AKR1E2: variants seen among roughly 807,000 people sequenced by gnomAD.
The protein encoded by AKR1E2 is aldo-keto reductase family 1 member E2, also known as 1,5-anhydro-D-fructose reductase.
In AKR1E2, 43 loss-of-function variants were observed where a neutral mutation model predicts 41.9. The ratio of observed to expected loss-of-function variants is 1.03; its 90% confidence interval spans 0.80 to 1.32. The LOEUF (loss-of-function observed/expected upper bound fraction) is 1.32. AKR1E2 is among the 40% of genes most tolerant of loss of function. The probability of loss-of-function intolerance (pLI) is 0.00; values close to 1 mark genes in which losing one functional copy is unlikely to be tolerated. For synonymous variants in AKR1E2, 121 were observed against 138.9 expected, an observed-to-expected ratio of 0.87 and a Z score of 0.91; for missense variants, 423 against 396.5, an observed-to-expected ratio of 1.07 and a Z score of -0.57.
chr10:4,842,787 G>C (rs1030903923), intron 8 of AKR1E2, among the ~76,000 whole-genome samples: 1 of 152,192 alleles, frequency 6.6e-6, no homozygotes, highest in East Asian at 1.9e-4. Flanking sequence ...GTGTGGGCCA[G>C]GCTGGAGCAT....
At chr10:4,828,341 G>A (rs1261973104) in intron 1 of AKR1E2, among the ~76,000 whole-genome samples, 1 of 152,194 alleles carries the variant, frequency 6.6e-6, no homozygotes, top group African/African-American at 2.4e-5. Context: ...GAGATGTCTG[G>A]AGACCTCAGC....
the AKR1E2 span, among the ~76,000 whole-genome samples, chr10:4,869,157 T>C: frequency 1.3e-5 from 2 of 152,286 alleles, no homozygotes; most frequent in African/African-American, 2.4e-5. Flanking sequence ...CCCAGTGAAA[T>C]TGGACATGGA....
intron 1 of AKR1E2, among the ~76,000 whole-genome samples, chr10:4,830,266 T>C (rs962349960): frequency 6.6e-6 from 1 of 152,234 alleles, no homozygotes; most frequent in African/African-American, 2.4e-5. Context: ...ATACTTCTTT[T>C]TGTATGGATA....
chr10:4,842,271 T>G, intron 7 of AKR1E2, 150 bp from the exon 8 acceptor site: 1 of 660,468 alleles, frequency 1.5e-6, no homozygotes, highest in Non-Finnish European at 2.6e-6. Flanking sequence ...ACCAACATAT[T>G]GACAGAGCTG....
chr10:4,845,288 G>T (rs189680318), intron 8 of AKR1E2, among the ~76,000 whole-genome samples: 1 of 152,144 alleles, frequency 6.6e-6, no homozygotes, highest in African/African-American at 2.4e-5. Context: ...GATTCCCACC[G>T]GCGTCTCTCC....
chr10:4,841,541 G>T (rs748018993), intron 6 of AKR1E2, among the ~76,000 whole-genome samples: 1 of 152,152 alleles, frequency 6.6e-6, no homozygotes, highest in Non-Finnish European at 1.5e-5. Context: ...TTTTTGAGGA[G>T]AAACACCAAA....
chr10:4,827,887 G>T, intron 1 of AKR1E2, among the ~76,000 whole-genome samples: 1 of 152,090 alleles, frequency 6.6e-6, no homozygotes, highest in East Asian at 1.9e-4. Context: ...CAACAATTTG[G>T]TGCAGGAGTC....
rs182057997 is a variant in AKR1E2 at position 4,835,149 on chromosome 10, C to T, written c.325-526C>T. Among the ~76,000 whole-genome samples, 7 of 152,324 alleles carry T rather than the reference C, an allele frequency of 4.6e-5. No homozygotes were observed. In the East Asian group the frequency reaches 7.7e-4, roughly 17 times the overall value. On this transcript the variant is annotated intron_variant, in intron 3 of 9. Transcript: ENST00000298375. Reference sequence around the variant, plus strand: ...ACATGAGGGAGGTAGCTGGATTGCACGTCAGTGCTTCTCTGAAAGATGACT... The same window carrying T: ...ACATGAGGGAGGTAGCTGGATTGCATGTCAGTGCTTCTCTGAAAGATGACT...
chr10:4,844,833 CA>C (rs1274696994), intron 8 of AKR1E2, among the ~76,000 whole-genome samples: 1 of 151,776 alleles, frequency 6.6e-6, no homozygotes, highest in Non-Finnish European at 1.5e-5. Context: ...CCCCACCAGT[CA>C]GGAGCCTAGC....
At chr10:4,831,315 G>A (rs917721261) in intron 2 of AKR1E2, among the ~76,000 whole-genome samples, 8 of 152,222 alleles carry the variant, frequency 5.3e-5, no homozygotes, top group Non-Finnish European at 1.2e-4. Flanking sequence ...TTTGTAGGAA[G>A]CTTGGTGTAT....
intron 8 of AKR1E2, among the ~76,000 whole-genome samples, chr10:4,843,403 CT>C (rs1834040162): frequency 6.6e-6 from 1 of 152,202 alleles, no homozygotes; most frequent in Non-Finnish European, 1.5e-5. Flanking sequence ...CTGTGATGAT[CT>C]CACAGGCAAC....
Position 4,830,734 on chromosome 10 carries a change from C to T in AKR1E2, c.99C>T (p.His33=). Residue 33 remains histidine, a synonymous_variant, in exon 2 of 10, where the codon CAC becomes CAT. Coordinates refer to ENST00000298375, the MANE Select transcript of AKR1E2 (RefSeq NM_001040177.3). ...AGGCCATTGACGCAGGGTACCGGCA[C>T]TTCGACTGTGCTTACTTTTACCACA... ...VKEAIDAGYR[H]FDCAYFYHNE... 6.2e-7 allele frequency: 1 copy of T among 1,614,070 alleles called. No individual in the cohort carries two copies. Among genetic ancestry groups the T allele is most frequent in the Middle Eastern group, 1.6e-4 (1 of 6,062 alleles).
the AKR1E2 span, among the ~76,000 whole-genome samples, chr10:4,869,467 A>G: frequency 0.22 from 33,119 of 151,822 alleles, 3,831 homozygotes; most frequent in Middle Eastern, 0.33. Flanking sequence ...CTTTTCAAAC[A>G]ACCAATTCTT....
At position 4,847,764 on chromosome 10, in the gene AKR1E2, T is replaced by C. The variant is rs1034752695; in HGVS notation, c.*234T>C. ...CTGTGTGGCCTCTACTCTGAACAAATACACTGATGAGTCATCAGTGAAATT... is the reference window on the plus strand; with the variant it reads ...CTGTGTGGCCTCTACTCTGAACAAACACACTGATGAGTCATCAGTGAAATT... On this transcript the variant is annotated 3_prime_UTR_variant, in exon 10 of 10. Transcript: ENST00000298375. 5 of 534,498 alleles carry C rather than the reference T, an allele frequency of 9.4e-6. No individual in the cohort carries two copies. Among genetic ancestry groups the C allele is most frequent in the Non-Finnish European group, 1.3e-5 (4 of 302,950 alleles). The allele number at this position is 534,498 out of a possible 1,614,324, so 33.1% of individuals were successfully genotyped here. A position where few individuals can be genotyped will look rare whatever the true frequency, so the allele number is the denominator to read the frequency against.
intron 9 of AKR1E2, 123 bp from the exon 10 acceptor site, chr10:4,847,365 G>T: frequency 6.5e-7 from 1 of 1,536,926 alleles, no homozygotes. Context: ...GTTTGAAGAT[G>T]AGCCACTGAA....
chr10:4,848,433 G>A (rs1258372776), downstream of AKR1E2, among the ~76,000 whole-genome samples: 1 of 152,232 alleles, frequency 6.6e-6, no homozygotes, highest in Non-Finnish European at 1.5e-5. Flanking sequence ...CAGACGCCAT[G>A]ATCCCTGTCT....
chr10:4,863,655 A>C, the AKR1E2 span, among the ~76,000 whole-genome samples: 1 of 152,044 alleles, frequency 6.6e-6, no homozygotes, highest in African/African-American at 2.4e-5. Context: ...CCCTTCAAAA[A>C]ATCAATGAAT....
chr10:4,865,021 A>T, the AKR1E2 span, among the ~76,000 whole-genome samples: 1 of 152,188 alleles, frequency 6.6e-6, no homozygotes, highest in Non-Finnish European at 1.5e-5. Flanking sequence ...ACTACAGAAA[A>T]ATTAGAAAGG....
chr10:4,862,923 A>G, the AKR1E2 span, among the ~76,000 whole-genome samples: 36 of 152,144 alleles, frequency 2.4e-4, no homozygotes, highest in African/African-American at 8.7e-4. Flanking sequence ...ACCTAAATAC[A>G]TATGCACCCA....
Sources: allele counts gnomAD v4.1 joint callset (sites outside exome capture counted in the v4.1 genomes callset), GRCh38; gene constraint gnomAD v4.1.1; transcripts MANE v1.5; gene names NCBI Gene and HGNC (gene_info 2026-07-23, HGNC 2026-07-21).